Variants in SLC7A9 observed in about 807,000 individuals in gnomAD.
SLC7A9 encodes B(0,+)-type amino acid transporter 1.
Under a neutral mutation model 54.1 loss-of-function variants are expected in SLC7A9, and 38 were observed. The ratio of observed to expected loss-of-function variants is 0.70; its 90% CI spans 0.54 to 0.92. The LOEUF (loss-of-function observed/expected upper bound fraction) is 0.92, where lower values mean the gene tolerates loss of function less well. Among genes scored for constraint, SLC7A9 ranks in the 40% least tolerant of loss-of-function variants. SLC7A9 has a pLI of 0.00. For missense variants in SLC7A9, 537 were observed against 636.1 expected, an observed-to-expected ratio of 0.84 and a Z score of 1.68; for synonymous variants, 264 against 258.9, an observed-to-expected ratio of 1.02 and a Z score of -0.19.
chr19:32,858,631 G>A (rs1429255684), intron 8 of SLC7A9, 88 bp from the exon 9 acceptor site: 3 of 969,236 alleles, frequency 3.1e-6, no homozygotes, highest in Non-Finnish European at 4.8e-6. Context: ...CCTCCCAGGG[G>A]ACCCAGGGAC....
intron 11 of SLC7A9, among the ~76,000 whole-genome samples, chr19:32,840,671 C>A (rs888640209): frequency 2.0e-5 from 3 of 152,154 alleles, no homozygotes; most frequent in Non-Finnish European, 1.5e-5. Flanking sequence ...GTTTCTCTTG[C>A]TGTTGTCGTC....
Position 32,859,985 on chromosome 19 carries a change from G to GA in SLC7A9, c.750-22dup. ...GGTTTCTGGGAGGGGCAATGACACG[G>GA]AGACCCACGTTCAGACCACAGCCTC... On this transcript the variant is annotated intron_variant, in intron 7 of 12. Coordinates refer to ENST00000023064, the MANE Select transcript of SLC7A9 (RefSeq NM_014270.5). 3.7e-6 allele frequency: 6 copies of GA among 1,614,034 alleles called. No individual in the cohort carries two copies. The South Asian group carries it at 5.5e-5, about 15-fold the overall frequency.
rs76066553 is a variant in SLC7A9 at position 32,868,102 on chromosome 19, G to T, written c.87+346C>A. 1.1e-3 allele frequency among the ~76,000 whole-genome samples: 167 copies of T among 151,508 alleles called. 1 individual carries two copies. The East Asian group carries it at 0.019, about 17-fold the overall frequency. ...AAAAATTAGCCGGGTATGGTGGCGG[G>T]TGCTTGTAATCCCAGCTACTCGGGA... is the stretch of plus-strand genomic sequence containing the variant. On this transcript the variant is annotated intron_variant, in intron 2 of 12. Transcript: ENST00000023064.
At chr19:32,842,636 G>A (rs199655435) in intron 10 of SLC7A9, among the ~76,000 whole-genome samples, 1 of 91,062 alleles carries the variant, frequency 1.1e-5, no homozygotes, top group African/African-American at 5.1e-5. Context: ...TGTTTGAGAT[G>A]GAGTCTCACT....
At chr19:32,866,075 G>A (rs902465587) in intron 2 of SLC7A9, among the ~76,000 whole-genome samples, 8 of 152,144 alleles carry the variant, frequency 5.3e-5, no homozygotes, top group South Asian at 4.2e-4. Flanking sequence ...AAGCAGCCCC[G>A]GCCAGATCTC....
chr19:32,867,066 G>A (rs1968992859), intron 2 of SLC7A9, among the ~76,000 whole-genome samples: 1 of 152,168 alleles, frequency 6.6e-6, no homozygotes, highest in Non-Finnish European at 1.5e-5. Flanking sequence ...AGCCCCAGCT[G>A]CTCACTGCAG....
intron 9 of SLC7A9, among the ~76,000 whole-genome samples, chr19:32,848,822 A>G (rs1968377789): frequency 6.6e-6 from 1 of 152,248 alleles, no homozygotes; most frequent in Admixed American, 6.5e-5. Flanking sequence ...GACAGAAATT[A>G]TAACAAACTG....
chr19:32,831,968 G>T (rs1967809338), intron 12 of SLC7A9, among the ~76,000 whole-genome samples: 1 of 152,234 alleles, frequency 6.6e-6, no homozygotes, highest in East Asian at 1.9e-4. Context: ...TATGTTGTGT[G>T]TCTTTCGCAA....
intron 9 of SLC7A9, among the ~76,000 whole-genome samples, chr19:32,857,018 G>T (rs1968648132): frequency 6.6e-6 from 1 of 152,056 alleles, no homozygotes; most frequent in African/African-American, 2.4e-5. Context: ...AGGCATGATG[G>T]CAGGTGCCTG....
At chr19:32,856,766 G>A (rs998785288) in intron 9 of SLC7A9, among the ~76,000 whole-genome samples, 7 of 152,086 alleles carry the variant, frequency 4.6e-5, no homozygotes, top group African/African-American at 9.7e-5. Context: ...TTGTAGAGAC[G>A]GAGTCTCACC....
rs79389353 is a variant in SLC7A9, at chr19:32,862,521, C to A, written c.544G>T (p.Ala182Ser). Reference sequence around the variant, plus strand: ...ATGGCCACGATCACCAGCTTGGCCGCGGTGAAGATGTTCTGGACGTAGCTT... The same window carrying A: ...ATGGCCACGATCACCAGCTTGGCCGAGGTGAAGATGTTCTGGACGTAGCTT... ...LGSYVQNIFT[A>S]AKLVIVAIII... is the part of the protein sequence containing the mutation. Residue 182 changes from alanine (A) to serine (S), a missense_variant, in exon 5 of 13, where the codon GCG becomes TCG. Transcript: ENST00000023064. The A allele has an allele frequency of 6.2e-7, 1 of 1,613,704 alleles. No homozygotes were observed. Among genetic ancestry groups the A allele is most frequent in the South Asian group, 1.1e-5 (1 of 91,062 alleles).
intron 6 of SLC7A9, 35 bp downstream of exon 6, chr19:32,862,083 C>A: frequency 7.0e-7 from 1 of 1,427,470 alleles, no homozygotes; most frequent in Non-Finnish European, 9.9e-7. Flanking sequence ...GAACCCCACC[C>A]ACCCCCAGAC....
intron 11 of SLC7A9, among the ~76,000 whole-genome samples, chr19:32,839,338 A>G (rs1968063749): frequency 1.3e-5 from 2 of 152,062 alleles, no homozygotes; most frequent in Non-Finnish European, 1.5e-5. Flanking sequence ...GTGGATCACA[A>G]AGTCAGGAGT....
intron 9 of SLC7A9, among the ~76,000 whole-genome samples, chr19:32,848,550 T>C (rs1264870682): frequency 3.9e-5 from 6 of 152,168 alleles, no homozygotes; most frequent in Non-Finnish European, 7.3e-5. Flanking sequence ...CTTAGTGACC[T>C]ACAAAGAGAC....
At chr19:32,835,390 T>C (rs1441593234) in intron 11 of SLC7A9, among the ~76,000 whole-genome samples, 2 of 152,130 alleles carry the variant, frequency 1.3e-5, no homozygotes, top group African/African-American at 4.8e-5. Context: ...AAAATAAAAA[T>C]GGGCAATTAA....
chr19:32,864,512 G>A, intron 3 of SLC7A9, 117 bp downstream of exon 3: 1 of 1,530,578 alleles, frequency 6.5e-7, no homozygotes, highest in Non-Finnish European at 8.9e-7. Flanking sequence ...ATTTACACCT[G>A]TTTGCCATAC....
chr19:32,869,240 AAAATT>A (rs1372248577), intron 1 of SLC7A9, among the ~76,000 whole-genome samples: 1 of 152,028 alleles, frequency 6.6e-6, no homozygotes, highest in African/African-American at 2.4e-5. Context: ...ATATATATAA[AAAATT>A]AAAAAATGAA....
intron 9 of SLC7A9, 68 bp from the exon 10 acceptor site, chr19:32,844,019 T>G: frequency 4.8e-6 from 6 of 1,242,816 alleles, no homozygotes; most frequent in Middle Eastern, 2.6e-4. Flanking sequence ...CACTGAGGAC[T>G]TGTGCTCCGG....
At chr19:32,838,975 A>G (rs950025472) in intron 11 of SLC7A9, among the ~76,000 whole-genome samples, 5 of 152,198 alleles carry the variant, frequency 3.3e-5, no homozygotes, top group African/African-American at 1.2e-4. Flanking sequence ...ATTGTGTATA[A>G]TAAGCAATAA....
Sources: gnomAD v4.1 joint callset for allele counts (sites outside exome capture counted in the v4.1 genomes callset) on GRCh38, gnomAD v4.1.1 for gene constraint, MANE v1.5 for transcripts, NCBI Gene and HGNC (gene_info 2026-07-23, HGNC 2026-07-21) for gene names.